DNAJC13: variants seen among roughly 807,000 people sequenced by gnomAD.
DNAJC13 encodes dnaJ homolog subfamily C member 13.
A neutral mutation model predicts 290.5 loss-of-function variants in DNAJC13; 75 were observed. The observed-to-expected ratio is 0.26, with a 90% CI of 0.21 to 0.31. DNAJC13 has a LOEUF of 0.31. Among genes scored for constraint, DNAJC13 ranks in the 10% least tolerant of loss-of-function variants. DNAJC13 has a pLI of 1.00. For synonymous variants in DNAJC13, 862 were observed against 892.0 expected (o/e 0.97, Z 0.60); for missense variants, 2,260 against 2,674.5 (o/e 0.85, Z 3.42).
chr3:132,419,638 G>A (rs559024061), intron 1 of DNAJC13, among the ~76,000 whole-genome samples: 2 of 152,278 alleles, frequency 1.3e-5, no homozygotes, highest in East Asian at 3.9e-4. Context: ...GTGAATATGA[G>A]GTTTCTGCTA....
chr3:132,464,741 A>G lies in DNAJC13; in HGVS notation c.1892+924A>G, dbSNP rs564912672. On this transcript the variant is annotated intron_variant, in intron 17 of 55. Transcript: ENST00000260818. ...TGTCTTATTAGCAGTGCTAGACACC[A>G]TCTTTCATTAGAGACTATTGATAGC... is the stretch of plus-strand genomic sequence containing the variant. Among the ~76,000 whole-genome samples, 9 of 152,294 alleles carry G rather than the reference A, an allele frequency of 5.9e-5. No homozygotes were observed. The South Asian group carries it at 1.2e-3, about 21-fold the overall frequency.
At chr3:132,512,934 T>C (rs1286314575) in intron 44 of DNAJC13, 74 bp from the exon 45 acceptor site, 2 of 1,202,098 alleles carry the variant, frequency 1.7e-6, no homozygotes, top group Non-Finnish European at 2.5e-6. Context: ...TAAACAACAG[T>C]GTATATCGGT....
chr3:132,417,974 G>A (rs1938841862), intron 1 of DNAJC13, among the ~76,000 whole-genome samples: 1 of 152,120 alleles, frequency 6.6e-6, no homozygotes, highest in Non-Finnish European at 1.5e-5. Flanking sequence ...AGCTCAGGGC[G>A]CTGCCCTGTC....
intron 2 of DNAJC13, among the ~76,000 whole-genome samples, chr3:132,442,130 A>T (rs1355784298): frequency 9.5e-5 from 6 of 63,444 alleles, no homozygotes; most frequent in African/African-American, 4.1e-4. Context: ...GCCATATGTT[A>T]AAAAAAAAAA....
intron 19 of DNAJC13, 68 bp downstream of exon 19, chr3:132,466,462 T>C: frequency 5.4e-6 from 7 of 1,289,150 alleles, no homozygotes; most frequent in Non-Finnish European, 7.2e-6. Flanking sequence ...TGTCTTTTTT[T>C]GAAACACGTT....
chr3:132,462,427 CT>C (rs1559879446), intron 15 of DNAJC13, 39 bp from the exon 16 acceptor site: 1 of 1,574,028 alleles, frequency 6.4e-7, no homozygotes. Flanking sequence ...GAATAAAATT[CT>C]TTTTTATTTT....
Position 132,525,637 on chromosome 3 carries a change from G to T in DNAJC13, c.6088G>T (p.Ala2030Ser), listed in dbSNP as rs1436601674. Residue 2030 changes from alanine to serine, a missense_variant, in exon 52 of 56, where the codon GCA (alanine) becomes TCA (serine). By Grantham distance (99) the Ala-to-Ser change is moderately conservative. Transcript: ENST00000260818. ...HGETLETLTMATVCLFSAQPQ... is the reference protein window; with the variant it reads ...HGETLETLTMSTVCLFSAQPQ... ...AGAAACTCTGGAAACCTTGACAATG[G>T]CAACAGTGTGTCTCTTCAGCGCACA... 6.2e-7 allele frequency: 1 copy of T among 1,613,886 alleles called. No individual in the cohort carries two copies. The highest frequency in any genetic ancestry group is 1.7e-5 in the Admixed American group (1 of 59,970).
intron 5 of DNAJC13, among the ~76,000 whole-genome samples, chr3:132,449,812 T>C (rs1310726880): frequency 6.6e-6 from 1 of 152,164 alleles, no homozygotes; most frequent in Non-Finnish European, 1.5e-5. Context: ...GGTAGAAAAC[T>C]GCGGTGTTTG....
intron 1 of DNAJC13, among the ~76,000 whole-genome samples, chr3:132,420,562 CT>C (rs1938925873): frequency 6.6e-6 from 1 of 152,090 alleles, no homozygotes; most frequent in Admixed American, 6.5e-5. Context: ...CCCCAACCCC[CT>C]GCCACCAAGC....
At chr3:132,536,808 G>C (rs1268036445) in intron 55 of DNAJC13, among the ~76,000 whole-genome samples, 2 of 152,144 alleles carry the variant, frequency 1.3e-5, no homozygotes, top group Admixed American at 1.3e-4. Context: ...ATCCTGATTG[G>C]CTCAAGGCAG....
Position 132,488,303 on chromosome 3 carries a change from G to T in DNAJC13, c.3273G>T (p.Leu1091=). ...ACATTTTAATTTTTTTTCAGCTACT[G>T]CTGACCTTTGACCCTATCCTTGTTG... is the stretch of plus-strand genomic sequence containing the variant. ...STCLPHIIQL[L]LTFDPILVEK... The change falls in exon 30 of 56, where the codon CTG becomes CTT. Residue 1091 remains leucine (L), a synonymous_variant. Coordinates refer to ENST00000260818, the MANE Select transcript of DNAJC13 (RefSeq NM_015268.4). The T allele has an allele frequency of 6.3e-7, 1 of 1,590,120 alleles. No individual in the cohort carries two copies. The highest frequency in any genetic ancestry group is 1.8e-5 in the Admixed American group (1 of 54,122).
At chr3:132,450,338 T>C (rs1933381922) in intron 5 of DNAJC13, among the ~76,000 whole-genome samples, 1 of 152,148 alleles carries the variant, frequency 6.6e-6, no homozygotes, top group Non-Finnish European at 1.5e-5. Flanking sequence ...AATACATTTC[T>C]ATGTAGGATT....
At chr3:132,521,013 A>T (rs929310797) in intron 48 of DNAJC13, among the ~76,000 whole-genome samples, 2 of 152,222 alleles carry the variant, frequency 1.3e-5, no homozygotes, top group African/African-American at 2.4e-5. Flanking sequence ...GACATATCAG[A>T]TATTTCTGCC....
At chr3:132,508,790 T>G (rs1174309335) in intron 43 of DNAJC13, among the ~76,000 whole-genome samples, 2 of 152,244 alleles carry the variant, frequency 1.3e-5, no homozygotes. Flanking sequence ...AAAATTATGC[T>G]AAATCTGCCT....
In DNAJC13 at chr3:132,531,053, A is replaced by T; in HGVS notation, c.6581A>T (p.His2194Leu). 6.2e-7 allele frequency: 1 copy of T among 1,614,166 alleles called. No individual in the cohort carries two copies. Among genetic ancestry groups the T allele is most frequent in the Non-Finnish European group, 8.5e-7 (1 of 1,180,004 alleles). ...TGGAGTGCCTTCAAAGATCAGAAAC[A>T]TGATTTGTTCATTTCTGAGTCACAA... Reference protein sequence around the residue: ...SVWSAFKDQKHDLFISESQTA... With the variant: ...SVWSAFKDQKLDLFISESQTA... The change falls in exon 55 of 56, where the codon CAT (histidine) becomes CTT (leucine). Residue 2194 changes from histidine (H) to leucine (L), a missense_variant. This residue lies in a region of DNAJC13 where 1,494 missense variants were observed against 1,693.7 expected (regional missense o/e 0.88). Transcript: ENST00000260818.
At chr3:132,461,316 C>T (rs1933787466) in intron 15 of DNAJC13, 111 bp downstream of exon 15, 13 of 1,208,204 alleles carry the variant, frequency 1.1e-5, no homozygotes, top group South Asian at 1.0e-4. Flanking sequence ...GGTGTCCAGT[C>T]GTTTGGCTTT....
At chr3:132,439,608 T>A (rs1377875819) in intron 2 of DNAJC13, among the ~76,000 whole-genome samples, 1 of 152,190 alleles carries the variant, frequency 6.6e-6, no homozygotes, top group Admixed American at 6.5e-5. Flanking sequence ...ATCTCCTTTA[T>A]CGGAATCTTA....
At chr3:132,468,053 A>G (rs529184363) in intron 20 of DNAJC13, among the ~76,000 whole-genome samples, 16 of 152,340 alleles carry the variant, frequency 1.1e-4, no homozygotes, top group Non-Finnish European at 1.6e-4. Context: ...TTTAAATTCA[A>G]TTTATTGTGC....
At chr3:132,463,105 G>A (rs1192490845) in intron 16 of DNAJC13, among the ~76,000 whole-genome samples, 5 of 151,996 alleles carry the variant, frequency 3.3e-5, no homozygotes, top group South Asian at 4.1e-4. Flanking sequence ...TTGAATTCTT[G>A]TATTTTGTTG....
Sources: allele counts gnomAD v4.1 joint callset (sites outside exome capture counted in the v4.1 genomes callset), GRCh38; gene constraint gnomAD v4.1.1; regional missense constraint gnomAD v4.1.1; transcripts MANE v1.5; gene names NCBI Gene and HGNC (gene_info 2026-07-23, HGNC 2026-07-21).